The following WNK3 variants were observed in gnomAD, a reference collection of about 807,000 sequenced individuals.
WNK3 encodes the protein WNK lysine deficient protein kinase 3.
Under a neutral mutation model 116.7 loss-of-function variants are expected in WNK3, and 18 were observed. The ratio of observed to expected loss-of-function variants is 0.15; its 90% CI spans 0.11 to 0.23. WNK3 has a LOEUF of 0.23. Ranked by LOEUF, WNK3 falls within the 10% of genes least tolerant of loss-of-function variation. The pLI, the probability that WNK3 is intolerant of heterozygous loss-of-function variation, is 1.00. For synonymous variants in WNK3, 404 were observed against 469.4 expected, an observed-to-expected ratio of 0.86 and a Z score of 1.80; for missense variants, 993 against 1,323.8, an observed-to-expected ratio of 0.75 and a Z score of 3.88.
intron 17 of WNK3, among the ~76,000 whole-genome samples, chrX:54,244,125 T>G (rs781909079): frequency 6.3e-5 from 7 of 111,655 alleles, no homozygotes; most frequent in African/African-American, 2.3e-4. Flanking sequence ...TTTCTTTTTT[T>G]GGGGTGATGA....
Position 54,313,437 on chromosome X carries a change from C to T in WNK3, c.538-2146G>A, listed in dbSNP as rs1160445130. Among the ~76,000 whole-genome samples the T allele has an allele frequency of 8.3e-5, 9 of 109,003 alleles. No homozygotes were observed. In the East Asian group the frequency reaches 1.2e-3, roughly 14 times the overall value. 94.7% of individuals were successfully genotyped at this position (109,003 alleles called of 115,157 possible). A position where few individuals can be genotyped will look rare whatever the true frequency, so the allele number is the denominator to read the frequency against. ...CGCGATCTTGGCTCACGGCAACCTC[C>T]GTCTCCCGGGTTCAAGCAATTCTCC... On this transcript the variant is annotated intron_variant, in intron 2 of 23. Transcript: ENST00000354646.
chrX:54,295,064 T>G (rs190996766), intron 7 of WNK3, among the ~76,000 whole-genome samples: 2,387 of 108,337 alleles, frequency 0.022, 31 homozygotes, highest in Non-Finnish European at 0.033. Context: ...GCCCAGCTAA[T>G]TTTTTTGTAT....
At chrX:54,326,847 G>A (rs1557173568) in intron 2 of WNK3, among the ~76,000 whole-genome samples, 1 of 110,123 alleles carries the variant, frequency 9.1e-6, no homozygotes, top group Non-Finnish European at 1.9e-5. Context: ...TTAGCTAGGT[G>A]TGGTGGCAAG....
chrX:54,313,990 G>A (rs1164088347), intron 2 of WNK3, among the ~76,000 whole-genome samples: 1 of 108,733 alleles, frequency 9.2e-6, no homozygotes, highest in Non-Finnish European at 1.9e-5. Flanking sequence ...TCAGGAGCTC[G>A]AGACCAGCCT....
chrX:54,282,533 C>T (rs1487487775), intron 10 of WNK3, among the ~76,000 whole-genome samples: 2 of 111,778 alleles, frequency 1.8e-5, no homozygotes, highest in East Asian at 5.6e-4. Flanking sequence ...ACAAAGTTAA[C>T]ACAATGCCTA....
In WNK3 at chrX:54,219,669, CAAAAAAAAAAAAAAAA is replaced by C. The variant is rs34431672; in HGVS notation, c.4870+9029_4870+9044del. 3.9e-4 allele frequency among the ~76,000 whole-genome samples: 6 copies of C among 15,191 alleles called. 1 individual carries two copies. The highest frequency in any genetic ancestry group is 1.2e-3 in the Admixed American group (1 of 818). The allele number at this position is 15,191 out of a possible 115,157, so 13.2% of individuals were successfully genotyped here. A position where few individuals can be genotyped will look rare whatever the true frequency, so the allele number is the denominator to read the frequency against. ...GGCAACAAAACGAGACTCCATCTCC[CAAAAAAAAAAAAAAAA>C]AAAAAAAAAAAAAAAGGAAGGAGAT... On this transcript the variant is annotated intron_variant, in intron 22 of 23. Transcript: ENST00000354646.
chrX:54,243,420 CAAAAAAA>C (rs782696727), intron 17 of WNK3, among the ~76,000 whole-genome samples: 6 of 16,834 alleles, frequency 3.6e-4, no homozygotes, highest in East Asian at 2.1e-3. Context: ...GACTCCGTCT[CAAAAAAA>C]AAAAAAAAAA....
At chrX:54,329,231 T>C (rs2069139386) in intron 2 of WNK3, among the ~76,000 whole-genome samples, 1 of 111,827 alleles carries the variant, frequency 8.9e-6, no homozygotes, top group Non-Finnish European at 1.9e-5. Context: ...GGCCTGGGAA[T>C]ATGCAGTTCT....
intron 10 of WNK3, among the ~76,000 whole-genome samples, chrX:54,282,642 A>G (rs895901291): frequency 1.8e-5 from 2 of 111,744 alleles, no homozygotes; most frequent in African/African-American, 6.5e-5. Context: ...TAATCCTGAG[A>G]AAGGAAAACT....
chrX:54,337,290 G>A (rs982168370), intron 1 of WNK3, among the ~76,000 whole-genome samples: 1 of 110,821 alleles, frequency 9.0e-6, no homozygotes, highest in Admixed American at 9.8e-5. Flanking sequence ...GGCTGGGTGC[G>A]GTGGCTCACG....
At chrX:54,259,724 T>C (rs1217979558) in intron 10 of WNK3, among the ~76,000 whole-genome samples, 2 of 111,673 alleles carry the variant, frequency 1.8e-5, no homozygotes, top group East Asian at 2.8e-4. Context: ...CATTAACTTA[T>C]TGTGTAGTCT....
chrX:54,291,052 A>G (rs782629604), intron 10 of WNK3, among the ~76,000 whole-genome samples: 1 of 111,620 alleles, frequency 9.0e-6, no homozygotes, highest in Non-Finnish European at 1.9e-5. Context: ...GGTGGCTCAC[A>G]CCTGTAATCC....
chrX:54,198,560 A>G lies in WNK3; in HGVS notation c.5167T>C (p.Ser1723Pro), dbSNP rs782332392. 2 of 1,210,811 alleles carry G rather than the reference A, an allele frequency of 1.7e-6. No individual in the cohort carries two copies. The highest frequency in any genetic ancestry group is 2.2e-6 in the Non-Finnish European group (2 of 895,237). The change falls in exon 24 of 24, where the codon TCA becomes CCA. Residue 1723 changes from serine to proline, a missense_variant. This residue lies in a region of WNK3 where 836 missense variants were observed against 976.5 expected (regional missense o/e 0.86). Coordinates refer to ENST00000354646, the Ensembl canonical transcript of WNK3. The stretch of plus-strand genomic sequence containing the variant: ...AATGGCCCAGGAAATGAAGGGAGTG[A>G]GAGTCCTTGTGGCAAGGAAGTTGGG...
chrX:54,324,711 A>G (rs1557172922), intron 2 of WNK3, among the ~76,000 whole-genome samples: 3 of 112,453 alleles, frequency 2.7e-5, no homozygotes. Flanking sequence ...GCGTGTGCCT[A>G]TAATGTAATG....
chrX:54,289,563 T>C (rs1437913482), intron 10 of WNK3, among the ~76,000 whole-genome samples: 5 of 111,122 alleles, frequency 4.5e-5, no homozygotes, highest in South Asian at 3.9e-4. Context: ...GATGCCAAAA[T>C]CTTAGGTTGT....
chrX:54,229,729 T>A (rs782323966), intron 21 of WNK3, among the ~76,000 whole-genome samples: 4 of 111,162 alleles, frequency 3.6e-5, no homozygotes, highest in Non-Finnish European at 7.6e-5. Flanking sequence ...GACACATATA[T>A]GGCTAATTGA....
chrX:54,304,326 T>TGGGCAACCAGTCTGGG (rs1557168188), intron 5 of WNK3, among the ~76,000 whole-genome samples: 72 of 109,553 alleles, frequency 6.6e-4, no homozygotes, highest in African/African-American at 2.3e-3. Flanking sequence ...GCCCAGTAGT[T>TGGGCAACCAGTCTGGG]CAAGACCAGT....
intron 22 of WNK3, among the ~76,000 whole-genome samples, chrX:54,205,848 T>C (rs1263764461): frequency 8.9e-6 from 1 of 112,048 alleles, no homozygotes; most frequent in Non-Finnish European, 1.9e-5. Context: ...ACGTGGTTTA[T>C]GATAGGTAGT....
chrX:54,331,755 G>T (rs2069173680), intron 2 of WNK3, among the ~76,000 whole-genome samples: 1 of 111,236 alleles, frequency 9.0e-6, no homozygotes, highest in African/African-American at 3.3e-5. Flanking sequence ...GTACCAACGG[G>T]CCCTAGAGTT....
Sources: gnomAD v4.1 joint callset for allele counts (sites outside exome capture counted in the v4.1 genomes callset) on GRCh38, gnomAD v4.1.1 for gene constraint, gnomAD v4.1.1 regional missense constraint, MANE v1.5 for transcripts, NCBI Gene and HGNC (gene_info 2026-07-23, HGNC 2026-07-21) for gene names.